ITGBL1: variants seen among roughly 807,000 people sequenced by gnomAD.
ITGBL1 encodes integrin subunit beta like 1.
In ITGBL1, 51 loss-of-function variants were observed where a neutral mutation model predicts 68.5. The observed-to-expected ratio is 0.74, with a 90% confidence interval of 0.59 to 0.94. The LOEUF (loss-of-function observed/expected upper bound fraction) is 0.94, where lower values mean the gene tolerates loss of function less well. Among genes scored for constraint, ITGBL1 ranks in the 40% least tolerant of loss-of-function variants. ITGBL1 has a pLI of 0.00. For missense variants in ITGBL1, 649 were observed against 647.4 expected, an observed-to-expected ratio of 1.00 and a Z score of -0.03; for synonymous variants, 209 against 227.3, an observed-to-expected ratio of 0.92 and a Z score of 0.72.
At chr13:101,543,039 A>G (rs1461328573) in intron 2 of ITGBL1, among the ~76,000 whole-genome samples, 1 of 152,064 alleles carries the variant, frequency 6.6e-6, no homozygotes. Context: ...TTTTAATTGG[A>G]GCATTTAGCC....
chr13:101,693,169 A>G (rs1352308817), intron 8 of ITGBL1, among the ~76,000 whole-genome samples: 1 of 152,178 alleles, frequency 6.6e-6, no homozygotes, highest in Non-Finnish European at 1.5e-5. Context: ...TAAACTGTCC[A>G]GAGAATGAGT....
intron 10 of ITGBL1, chr13:101,715,276 C>T (rs2034666091): frequency 3.1e-6 from 1 of 324,258 alleles, no homozygotes; most frequent in South Asian, 4.5e-5. Flanking sequence ...ATAACTTGCT[C>T]TTTAAGGGAA....
chr13:101,507,815 A>G (rs1025232467), intron 2 of ITGBL1, among the ~76,000 whole-genome samples: 1 of 152,198 alleles, frequency 6.6e-6, no homozygotes, highest in Non-Finnish European at 1.5e-5. Context: ...TAGCTTTTGG[A>G]AATAACTTCA....
intron 2 of ITGBL1, among the ~76,000 whole-genome samples, chr13:101,528,704 G>A (rs17584887): frequency 0.016 from 2,480 of 151,992 alleles, 23 homozygotes; most frequent in Middle Eastern, 0.028. Context: ...TGTCAAAGTC[G>A]TTAAGTAGTT....
At chr13:101,539,482 T>A (rs2049647318) in intron 2 of ITGBL1, among the ~76,000 whole-genome samples, 1 of 152,176 alleles carries the variant, frequency 6.6e-6, no homozygotes. Context: ...TCCAAGTCTT[T>A]GCTATTGTCA....
intron 7 of ITGBL1, among the ~76,000 whole-genome samples, chr13:101,680,391 A>C (rs559536421): frequency 6.6e-6 from 1 of 152,218 alleles, no homozygotes; most frequent in South Asian, 2.1e-4. Context: ...TTGAGCACAT[A>C]CTGCAAGTGT....
At chr13:101,718,801 A>G (rs965456997), downstream of ITGBL1, 3 of 151,990 alleles carry the variant, frequency 2.0e-5, no homozygotes, top group African/African-American at 7.2e-5. Context: ...AAAAACTAAA[A>G]TATAACTCAG....
intron 9 of ITGBL1, chr13:101,710,677 T>C (rs2034421494): frequency 6.6e-6 from 1 of 152,176 alleles, no homozygotes; most frequent in African/African-American, 2.4e-5. Context: ...CTTTCTTTAT[T>C]TGATTATGGG....
In ITGBL1 at chr13:101,458,787, G is replaced by T. The variant is rs538056871; in HGVS notation, c.316+4687G>T. Among the ~76,000 whole-genome samples the T allele has an allele frequency of 1.4e-4, 22 of 152,166 alleles. No individual in the cohort carries two copies. The South Asian group carries it at 4.6e-3, about 32-fold the overall frequency. On this transcript the variant is annotated intron_variant, in intron 2 of 10. Coordinates refer to ENST00000376180, the MANE Select transcript of ITGBL1 (RefSeq NM_004791.3). ...TACTGTATGTTAGTTGTATTATTTT[G>T]TACTACACTTTTTTATTTTCTGAAT...
At chr13:101,526,610 C>T (rs113782673) in intron 2 of ITGBL1, among the ~76,000 whole-genome samples, 3 of 151,882 alleles carry the variant, frequency 2.0e-5, no homozygotes, top group South Asian at 4.2e-4. Flanking sequence ...AGTTTCTAGG[C>T]GCTCTTTTGG....
At chr13:101,453,855 G>A (rs1009243680) in intron 1 of ITGBL1, 28 bp from the exon 2 acceptor site, 133 of 1,230,250 alleles carry the variant, frequency 1.1e-4, no homozygotes, top group Non-Finnish European at 1.3e-4. Flanking sequence ...GTCTGACCCG[G>A]CCTGCCGGTT....
intron 6 of ITGBL1, among the ~76,000 whole-genome samples, chr13:101,591,950 T>C (rs2050663111): frequency 6.6e-6 from 1 of 152,142 alleles, no homozygotes. Context: ...AACCAGTAGC[T>C]CCTTTTTATG....
chr13:101,534,088 A>G (rs1390369375), intron 2 of ITGBL1, among the ~76,000 whole-genome samples: 1 of 152,190 alleles, frequency 6.6e-6, no homozygotes, highest in African/African-American at 2.4e-5. Context: ...CAGCATCATA[A>G]TCAGCACAGT....
intron 6 of ITGBL1, among the ~76,000 whole-genome samples, chr13:101,589,708 C>T (rs2050618638): frequency 6.6e-6 from 1 of 152,184 alleles, no homozygotes; most frequent in Admixed American, 6.5e-5. Flanking sequence ...CAATTGGCTG[C>T]AGGTGTGTTA....
chr13:101,483,616 C>A (rs2048658255), intron 2 of ITGBL1, among the ~76,000 whole-genome samples: 1 of 152,152 alleles, frequency 6.6e-6, no homozygotes, highest in Non-Finnish European at 1.5e-5. Flanking sequence ...ACCTTGATTA[C>A]ACTATTAATA....
At chr13:101,554,242 A>G (rs545705919) in intron 2 of ITGBL1, among the ~76,000 whole-genome samples, 1 of 152,342 alleles carries the variant, frequency 6.6e-6, no homozygotes, top group East Asian at 1.9e-4. Context: ...GGAGGACACA[A>G]CTTAGCCCAT....
At chr13:101,479,314 G>A (rs1270428464) in intron 2 of ITGBL1, among the ~76,000 whole-genome samples, 1 of 151,996 alleles carries the variant, frequency 6.6e-6, no homozygotes, top group Non-Finnish European at 1.5e-5. Context: ...AAATCAAAAT[G>A]TATTAAAGAC....
At chr13:101,454,178 G>C in intron 2 of ITGBL1, 78 bp downstream of exon 2, 1 of 1,059,008 alleles carries the variant, frequency 9.4e-7, no homozygotes, top group Non-Finnish European at 1.3e-6. Flanking sequence ...CTAGAAGAGT[G>C]AAGGGTGGGG....
Position 101,671,436 on chromosome 13 carries a change from TG to T in ITGBL1, c.1016-21148del, listed in dbSNP as rs767514125. 8.3e-3 allele frequency among the ~76,000 whole-genome samples: 473 copies of T among 57,140 alleles called. 65 individuals are homozygous for T. In the East Asian group the frequency reaches 0.11, roughly 13 times the overall value. The allele number at this position is 57,140 out of a possible 152,430, so 37.5% of individuals were successfully genotyped here. A position where few individuals can be genotyped will look rare whatever the true frequency, so the allele number is the denominator to read the frequency against. The stretch of plus-strand genomic sequence containing the variant: ...CAAAAGTATACCTTTGTTTTTTTTT[TG>T]TTTTTTTTTGTTTTTTTTTGAGACG... On this transcript the variant is annotated intron_variant, in intron 7 of 10. Coordinates refer to ENST00000376180, the MANE Select transcript of ITGBL1 (RefSeq NM_004791.3).
Sources: gnomAD v4.1 joint callset for allele counts (sites outside exome capture counted in the v4.1 genomes callset) on GRCh38, gnomAD v4.1.1 for gene constraint, MANE v1.5 for transcripts, NCBI Gene and HGNC (gene_info 2026-07-23, HGNC 2026-07-21) for gene names.